The following LRFN5 variants were observed in gnomAD, a reference collection of about 807,000 sequenced individuals.
LRFN5 encodes the protein leucine-rich repeat and fibronectin type-III domain-containing protein 5.
A neutral mutation model predicts 45.6 loss-of-function variants in LRFN5; 24 were observed. That is an observed-to-expected ratio of 0.53 (90% CI 0.38 to 0.74). The LOEUF (loss-of-function observed/expected upper bound fraction) is 0.74. Among genes scored for constraint, LRFN5 ranks in the 30% least tolerant of loss-of-function variants. The pLI is 0.00. For missense variants in LRFN5, 776 were observed against 861.5 expected (o/e 0.90, Z 1.24); for synonymous variants, 340 against 313.8 (o/e 1.08, Z -0.88).
intron 1 of LRFN5, among the ~76,000 whole-genome samples, chr14:41,714,810 C>T (rs956337183): frequency 1.3e-4 from 20 of 152,056 alleles, no homozygotes; most frequent in African/African-American, 3.6e-4. Context: ...GAGGCTGAGG[C>T]AGGAGTGTTG....
At chr14:41,699,071 A>G (rs1320644241) in intron 1 of LRFN5, among the ~76,000 whole-genome samples, 2 of 152,130 alleles carry the variant, frequency 1.3e-5, no homozygotes, top group Non-Finnish European at 2.9e-5. Context: ...GGCAAAGTAC[A>G]TGACAGACTT....
At chr14:41,790,950 T>A (rs1257488650) in intron 2 of LRFN5, among the ~76,000 whole-genome samples, 1 of 151,820 alleles carries the variant, frequency 6.6e-6, no homozygotes. Flanking sequence ...AATGTCTTTT[T>A]TCTTTTTAGT....
chr14:41,696,553 T>TCTGTTGATTGTGATATCAACACAAC (rs1196607298), intron 1 of LRFN5, among the ~76,000 whole-genome samples: 1 of 151,788 alleles, frequency 6.6e-6, no homozygotes, highest in Non-Finnish European at 1.5e-5. Flanking sequence ...GACATCACAA[T>TCTGTTGATTGTGATATCAACACAAC]CTGTTGATAT....
intron 1 of LRFN5, among the ~76,000 whole-genome samples, chr14:41,617,976 GTGTA>G (rs1342301445): frequency 6.6e-6 from 1 of 152,074 alleles, no homozygotes; most frequent in African/African-American, 2.4e-5. Flanking sequence ...TGTGCTACTT[GTGTA>G]GACTGCTGTT....
chr14:41,799,805 A>G (rs1887261917), intron 2 of LRFN5, among the ~76,000 whole-genome samples: 1 of 151,930 alleles, frequency 6.6e-6, no homozygotes, highest in Admixed American at 6.6e-5. Flanking sequence ...TGTTTTTGCC[A>G]TTGTTGTTTC....
At chr14:41,762,371 T>A (rs1207783768) in intron 1 of LRFN5, among the ~76,000 whole-genome samples, 1 of 152,122 alleles carries the variant, frequency 6.6e-6, no homozygotes, top group Non-Finnish European at 1.5e-5. Context: ...GCTCTAGCAG[T>A]GTATTAATTT....
At chr14:41,849,413 AAGGT>A (rs1422104370) in intron 2 of LRFN5, among the ~76,000 whole-genome samples, 1 of 151,754 alleles carries the variant, frequency 6.6e-6, no homozygotes, top group Non-Finnish European at 1.5e-5. Flanking sequence ...ACATTTTTAT[AAGGT>A]AGCATCAGAT....
intron 1 of LRFN5, among the ~76,000 whole-genome samples, chr14:41,670,685 C>T (rs1881167080): frequency 6.6e-6 from 1 of 151,884 alleles, no homozygotes; most frequent in African/African-American, 2.4e-5. Flanking sequence ...TAATTCCTCA[C>T]TGAAATAGGC....
chr14:41,731,821 G>A (rs1438959905), intron 1 of LRFN5: 1 of 152,192 alleles, frequency 6.6e-6, no homozygotes, highest in Non-Finnish European at 1.5e-5. Flanking sequence ...CAAAGAAGAG[G>A]AATTAGGATA....
chr14:41,781,491 G>T (rs989544681), intron 2 of LRFN5, among the ~76,000 whole-genome samples: 1 of 133,694 alleles, frequency 7.5e-6, no homozygotes, highest in Non-Finnish European at 1.6e-5. Flanking sequence ...ATAAAATTAA[G>T]AAGGAAGGAA....
intron 1 of LRFN5, among the ~76,000 whole-genome samples, chr14:41,746,671 G>A (rs996502188): frequency 5.9e-5 from 9 of 151,484 alleles, no homozygotes; most frequent in Non-Finnish European, 1.0e-4. Context: ...TTTTAAAAAA[G>A]CAAAAATACA....
rs200326943 is a variant in LRFN5, at chr14:41,816,998, G to GTTT, written c.-21+49985_-21+49987dup. ...TTGTCTAAGCTTTTTAATGTGGGAA[G>GTTT]TTTTTTTTTTTTTTTTTTGAGATAG... On this transcript the variant is annotated intron_variant, in intron 2 of 5. Transcript: ENST00000298119. 1.5e-3 allele frequency among the ~76,000 whole-genome samples: 189 copies of GTTT among 129,948 alleles called. 5 individuals are homozygous for GTTT. Among genetic ancestry groups the GTTT allele is most frequent in the South Asian group, 2.5e-3 (10 of 4,038 alleles). The allele number at this position is 129,948 out of a possible 152,430, so 85.3% of individuals were successfully genotyped here.
At chr14:41,757,196 CG>C (rs1339483502) in intron 1 of LRFN5, among the ~76,000 whole-genome samples, 1 of 152,158 alleles carries the variant, frequency 6.6e-6, no homozygotes, top group African/African-American at 2.4e-5. Context: ...TTAGGCTACT[CG>C]GGGGTCAGGG....
intron 2 of LRFN5, among the ~76,000 whole-genome samples, chr14:41,883,916 T>C (rs559994220): frequency 6.6e-6 from 1 of 152,340 alleles, no homozygotes; most frequent in East Asian, 1.9e-4. Flanking sequence ...ACGTATATGT[T>C]TGACTTCTTA....
chr14:41,765,211 G>A (rs1047982458), intron 1 of LRFN5, among the ~76,000 whole-genome samples: 4 of 151,804 alleles, frequency 2.6e-5, no homozygotes, highest in Admixed American at 6.6e-5. Flanking sequence ...GCGTAGTGGC[G>A]GGCGCCTGTA....
rs1887537315 is a variant in LRFN5, at chr14:41,607,494, G to A, written c.-1265G>A. 6.6e-6 allele frequency: 1 copy of A among 152,254 alleles called. No individual in the cohort carries two copies. Among genetic ancestry groups the A allele is most frequent in the African/African-American group, 2.4e-5 (1 of 41,452 alleles). 9.4% of individuals were successfully genotyped at this position (152,254 alleles called of 1,614,324 possible). ...TTCAAGTCATCTTGGCATGTCTCTA[G>A]TGTTTTGTAAGCCGCTTTCCAGCTA... On this transcript the variant is annotated 5_prime_UTR_variant, in exon 1 of 6. The change creates a new upstream start codon in the 5' untranslated region. Coordinates refer to ENST00000298119, the MANE Select transcript of LRFN5 (RefSeq NM_152447.5).
At position 41,775,955 on chromosome 14, in the gene LRFN5, A is replaced by T. The variant is rs74045413; in HGVS notation, c.-21+8926A>T. Among the ~76,000 whole-genome samples the T allele has an allele frequency of 1.5e-3, 234 of 152,332 alleles. 1 individual carries two copies. The highest frequency in any genetic ancestry group is 5.4e-3 in the African/African-American group (224 of 41,578). ...AAATGTAACAGCTATACTGACGATG[A>T]GAGTGGGCTTATGGCCTTCATGGAT... On this transcript the variant is annotated intron_variant, in intron 2 of 5. Transcript: ENST00000298119.
At chr14:41,634,858 A>G (rs1432467759) in intron 1 of LRFN5, among the ~76,000 whole-genome samples, 2 of 152,104 alleles carry the variant, frequency 1.3e-5, no homozygotes, top group East Asian at 3.8e-4. Context: ...CTTTTAAATT[A>G]TTCTTAAATA....
chr14:41,805,216 A>G lies in LRFN5; in HGVS notation c.-21+38187A>G, dbSNP rs778097594. Among the ~76,000 whole-genome samples the G allele has an allele frequency of 5.1e-4, 78 of 151,924 alleles. 1 individual carries two copies. In the Middle Eastern group the frequency reaches 0.01, roughly 20 times the overall value. On this transcript the variant is annotated intron_variant, in intron 2 of 5. Coordinates refer to ENST00000298119, the MANE Select transcript of LRFN5 (RefSeq NM_152447.5). Reference sequence around the variant, plus strand: ...CAGCAAATGTCTGAACATTTTTATCAGAAAAAATATTGGCCAGACTGGTTA... The same window carrying G: ...CAGCAAATGTCTGAACATTTTTATCGGAAAAAATATTGGCCAGACTGGTTA...
Sources: allele counts gnomAD v4.1 joint callset (sites outside exome capture counted in the v4.1 genomes callset), GRCh38; gene constraint gnomAD v4.1.1; transcripts MANE v1.5; gene names NCBI Gene and HGNC (gene_info 2026-07-23, HGNC 2026-07-21).